The following GRM7 variants were observed in gnomAD, a reference collection of about 807,000 sequenced individuals.
The protein encoded by GRM7 is metabotropic glutamate receptor 7.
A neutral mutation model predicts 84.5 loss-of-function variants in GRM7; 35 were observed. The ratio of observed to expected loss-of-function variants is 0.41; its 90% CI spans 0.32 to 0.55. The LOEUF (loss-of-function observed/expected upper bound fraction) is 0.55, where lower values mean the gene tolerates loss of function less well. GRM7 is among the 20% of genes least tolerant of loss of function. The pLI, the probability that GRM7 is intolerant of heterozygous loss-of-function variation, is 0.19. For missense variants in GRM7, 1,003 were observed against 1,194.6 expected, an observed-to-expected ratio of 0.84 and a Z score of 2.36; for synonymous variants, 487 against 455.1, an observed-to-expected ratio of 1.07 and a Z score of -0.89.
intron 1 of GRM7, among the ~76,000 whole-genome samples, chr3:7,112,485 A>C (rs1445409123): frequency 6.6e-6 from 1 of 152,010 alleles, no homozygotes; most frequent in Non-Finnish European, 1.5e-5. Flanking sequence ...CGGCCTCCCA[A>C]AGTGCTGGGA....
intron 7 of GRM7, among the ~76,000 whole-genome samples, chr3:7,488,446 G>A (rs1468084753): frequency 6.6e-6 from 1 of 152,142 alleles, no homozygotes; most frequent in Non-Finnish European, 1.5e-5. Flanking sequence ...TGAGTCATGA[G>A]GGATCTACTC....
At chr3:7,134,290 T>C (rs1356774343) in intron 1 of GRM7, among the ~76,000 whole-genome samples, 3 of 152,088 alleles carry the variant, frequency 2.0e-5, no homozygotes, top group Non-Finnish European at 4.4e-5. Context: ...TTCCTTATTT[T>C]CCATGTTCCA....
At chr3:7,666,604 G>A (rs115335865) in intron 8 of GRM7, among the ~76,000 whole-genome samples, 39 of 152,166 alleles carry the variant, frequency 2.6e-4, no homozygotes, top group Non-Finnish European at 5.3e-4. Flanking sequence ...CAATGATAAC[G>A]GCCAAAACGT....
intron 8 of GRM7, among the ~76,000 whole-genome samples, chr3:7,674,123 C>A (rs1700038504): frequency 6.6e-6 from 1 of 151,516 alleles, no homozygotes; most frequent in South Asian, 2.1e-4. Flanking sequence ...AAGCAAGAGA[C>A]AATATACACT....
intron 5 of GRM7, among the ~76,000 whole-genome samples, chr3:7,433,239 A>G (rs1696903308): frequency 6.6e-6 from 1 of 152,228 alleles, no homozygotes; most frequent in African/African-American, 2.4e-5. Flanking sequence ...CTACATAAGC[A>G]GAGATCAAAG....
intron 5 of GRM7, chr3:7,451,688 A>G (rs976186653): frequency 6.6e-6 from 1 of 152,184 alleles, no homozygotes; most frequent in Non-Finnish European, 1.5e-5. Context: ...TCCCACTGGT[A>G]TCATAAGGAT....
chr3:7,108,597 A>G (rs998032289), intron 1 of GRM7, among the ~76,000 whole-genome samples: 5 of 151,298 alleles, frequency 3.3e-5, no homozygotes, highest in African/African-American at 1.2e-4. Context: ...GTTCAAGACC[A>G]CACAAGAGAA....
chr3:7,513,117 C>G (rs1475042254), intron 7 of GRM7, among the ~76,000 whole-genome samples: 6 of 152,136 alleles, frequency 3.9e-5, no homozygotes, highest in Non-Finnish European at 8.8e-5. Flanking sequence ...AGAATTCAGC[C>G]TAAGAAAGTT....
intron 1 of GRM7, among the ~76,000 whole-genome samples, chr3:6,936,394 C>A (rs1254422984): frequency 3.9e-5 from 6 of 152,148 alleles, no homozygotes; most frequent in Admixed American, 2.0e-4. Flanking sequence ...ACCGGTGTGG[C>A]ACCACAGAAA....
chr3:6,882,627 A>T (rs1695553105), intron 1 of GRM7, among the ~76,000 whole-genome samples: 1 of 152,202 alleles, frequency 6.6e-6, no homozygotes, highest in African/African-American at 2.4e-5. Context: ...CATTCTTGAG[A>T]TATTTTTGTT....
intron 7 of GRM7, among the ~76,000 whole-genome samples, chr3:7,550,470 C>T (rs1259522404): frequency 7.3e-6 from 1 of 137,780 alleles, no homozygotes; most frequent in Non-Finnish European, 1.6e-5. Flanking sequence ...CTCCCTCTCT[C>T]CTTTCTTTCC....
chr3:7,033,234 T>A (rs1696251036), intron 1 of GRM7, among the ~76,000 whole-genome samples: 1 of 152,084 alleles, frequency 6.6e-6, no homozygotes. Flanking sequence ...GAGTTTAAGG[T>A]CCACCTTAAT....
intron 1 of GRM7, among the ~76,000 whole-genome samples, chr3:6,939,035 C>A (rs1272498777): frequency 6.6e-6 from 1 of 152,182 alleles, no homozygotes; most frequent in Non-Finnish European, 1.5e-5. Context: ...ATACCAACTG[C>A]TAGAGTTTTA....
At chr3:7,229,769 T>A (rs1168210253) in intron 2 of GRM7, among the ~76,000 whole-genome samples, 7 of 84,350 alleles carry the variant, frequency 8.3e-5, no homozygotes, top group Admixed American at 1.5e-4. Context: ...ATTTTTTTTT[T>A]TTTTTGGTTG....
At chr3:7,613,678 G>A (rs1167065782) in intron 8 of GRM7, among the ~76,000 whole-genome samples, 1 of 151,972 alleles carries the variant, frequency 6.6e-6, no homozygotes, top group Non-Finnish European at 1.5e-5. Flanking sequence ...AGATAATCTG[G>A]GCCTTAATTT....
At chr3:6,877,623 C>T (rs962983593) in intron 1 of GRM7, among the ~76,000 whole-genome samples, 2 of 152,076 alleles carry the variant, frequency 1.3e-5, no homozygotes, top group African/African-American at 4.8e-5. Flanking sequence ...TTCAAATTCG[C>T]TCTTTGATAG....
At chr3:7,542,260 C>T (rs937895251) in intron 7 of GRM7, among the ~76,000 whole-genome samples, 10 of 152,194 alleles carry the variant, frequency 6.6e-5, no homozygotes, top group Non-Finnish European at 1.5e-4. Context: ...ACCTTCTCAG[C>T]TGTCTATGAT....
intron 4 of GRM7, among the ~76,000 whole-genome samples, chr3:7,345,606 G>T (rs9872926): frequency 0.61 from 92,272 of 152,002 alleles, 29,328 homozygotes; most frequent in African/African-American, 0.81. Flanking sequence ...ATTCTGACTT[G>T]CTGATGCCCG....
chr3:7,710,635 T>G (rs1226489176), intron 9 of GRM7, among the ~76,000 whole-genome samples: 2 of 152,156 alleles, frequency 1.3e-5, no homozygotes, highest in Non-Finnish European at 2.9e-5. Context: ...ACCTAAGAAA[T>G]GACAGGGTGG....
Sources: gnomAD v4.1 joint callset for allele counts (sites outside exome capture counted in the v4.1 genomes callset) on GRCh38, gnomAD v4.1.1 for gene constraint, MANE v1.5 for transcripts, NCBI Gene and HGNC (gene_info 2026-07-23, HGNC 2026-07-21) for gene names.